The following AMN variants were observed in gnomAD, a reference collection of about 807,000 sequenced individuals.
The protein encoded by AMN is amnion associated transmembrane protein.
AMN carries 40 observed loss-of-function variants against 49.1 expected under a neutral mutation model. That is an observed-to-expected ratio of 0.81 (90% CI 0.63 to 1.06). The LOEUF (loss-of-function observed/expected upper bound fraction) is 1.06, where lower values mean the gene tolerates loss of function less well. AMN is among the 50% of genes least tolerant of loss of function. AMN has a pLI of 0.00. For missense variants in AMN, 701 were observed against 662.8 expected (o/e 1.06, Z -0.63); for synonymous variants, 380 against 313.3 (o/e 1.21, Z -2.25).
chr14:102,929,353 T>C, intron 6 of AMN, 75 bp from the exon 7 acceptor site: 2 of 1,506,282 alleles, frequency 1.3e-6, no homozygotes, highest in Non-Finnish European at 1.8e-6. Context: ...CTCGCCGGCT[T>C]GCTTCTCGGA....
chr14:102,929,216 G>A lies in AMN; in HGVS notation c.609G>A (p.Glu203=). 6.4e-7 allele frequency: 1 copy of A among 1,569,746 alleles called. No homozygotes were observed. Among genetic ancestry groups the A allele is most frequent in the Non-Finnish European group, 8.6e-7 (1 of 1,165,682 alleles). Residue 203 remains glutamate (E), a synonymous_variant, in exon 6 of 12, where the codon GAG becomes GAA. Transcript: ENST00000299155. ...HGPGALSVGP[E]DCADPSGCVC... ...CGGGCGCGCTGAGCGTGGGCCCCGA[G>A]GACTGCGCGGACCCGTCGGGCTGCG... is the stretch of plus-strand genomic sequence containing the variant.
Position 102,929,466 on chromosome 14 carries a change from G to A in AMN, c.690G>A (p.Leu230=). 3 of 1,531,410 alleles carry A rather than the reference G, an allele frequency of 2.0e-6. No individual in the cohort carries two copies. The highest frequency in any genetic ancestry group is 2.6e-6 in the Non-Finnish European group (3 of 1,145,170). The allele number at this position is 1,531,410 out of a possible 1,614,324, so 94.9% of individuals were successfully genotyped here. A position where few individuals can be genotyped will look rare whatever the true frequency, so the allele number is the denominator to read the frequency against. ...TCTGCGCGGCCCTGCTCCAGCCCCT[G>A]GGCGGCCGCTGCCCCCAGGCCGCCT... The part of the protein sequence containing the change: ...PWICAALLQP[L]GGRCPQAACH... The change falls in exon 7 of 12, where the codon CTG becomes CTA. Residue 230 remains leucine, a synonymous_variant. Coordinates refer to ENST00000299155, the MANE Select transcript of AMN (RefSeq NM_030943.4).
Position 102,930,507 on chromosome 14 carries a change from AGG to A in AMN, c.1257+19_1257+20del. Reference sequence around the variant, plus strand: ...TCCGAGGAGCTGGTGAGGGGGCTGGAGGGGGGACCGGGGCCTCCTCGGGGCCG... The same window carrying A: ...TCCGAGGAGCTGGTGAGGGGGCTGGAGGGGACCGGGGCCTCCTCGGGGCCG... On this transcript the variant is annotated intron_variant, in intron 11 of 11. Coordinates refer to ENST00000299155, the MANE Select transcript of AMN (RefSeq NM_030943.4). 6.5e-6 allele frequency: 10 copies of A among 1,536,122 alleles called. No homozygotes were observed. Among genetic ancestry groups the A allele is most frequent in the Non-Finnish European group, 8.8e-6 (10 of 1,142,804 alleles).
chr14:102,926,033 TC>T (rs1172641608), intron 3 of AMN, among the ~76,000 whole-genome samples: 1 of 152,184 alleles, frequency 6.6e-6, no homozygotes, highest in Non-Finnish European at 1.5e-5. Context: ...TTGCCTGCTT[TC>T]TTGTTGGGGG....
At position 102,929,698 on chromosome 14, in the gene AMN, G is replaced by A. The variant is rs756429503; in HGVS notation, c.804G>A (p.Glu268=). Residue 268 remains glutamate, a synonymous_variant, in exon 8 of 12, where the codon GAG becomes GAA. Transcript: ENST00000299155. ...CCCACGGCCCCGCATTTGACCTGGAGCGGTACCGGGCGCGGATACTGGACA... is the reference window on the plus strand; with the variant it reads ...CCCACGGCCCCGCATTTGACCTGGAACGGTACCGGGCGCGGATACTGGACA... ...LLTHGPAFDL[E]RYRARILDTF... 1 of 1,551,054 alleles carries A rather than the reference G, an allele frequency of 6.4e-7. No individual in the cohort carries two copies. The highest frequency in any genetic ancestry group is 1.2e-5 in the South Asian group (1 of 84,122).
At position 102,930,086 on chromosome 14, in the gene AMN, G is replaced by T. The variant is rs1339571276; in HGVS notation, c.1006G>T (p.Gly336Cys). The T allele has an allele frequency of 1.3e-6, 2 of 1,537,528 alleles. No individual in the cohort carries two copies. Among genetic ancestry groups the T allele is most frequent in the Non-Finnish European group, 1.7e-6 (2 of 1,144,186 alleles). ...CCTCCTGGCGGACGTCGCCGAGAACGGTAACCGCGCCCGCCCCATCCCGCC... is the reference window on the plus strand; with the variant it reads ...CCTCCTGGCGGACGTCGCCGAGAACTGTAACCGCGCCCGCCCCATCCCGCC... ...RALLADVAEN[G>C]EALGVLEATM... The change falls in exon 9 of 12, where the codon GGC becomes TGC. Residue 336 changes from glycine to cysteine, a missense_variant and splice_region_variant. Gly to Cys is a radical substitution (Grantham distance 159). Coordinates refer to ENST00000299155, the MANE Select transcript of AMN (RefSeq NM_030943.4).
Position 102,928,511 on chromosome 14 carries a change from C to A in AMN, c.293C>A (p.Ala98Glu). 6.2e-7 allele frequency: 1 copy of A among 1,605,326 alleles called. No individual in the cohort carries two copies. Among genetic ancestry groups the A allele is most frequent in the East Asian group, 2.2e-5 (1 of 44,676 alleles). ...SDVGSHLDCG[A>E]GEPAVFRDSD... ...GTGGGCTCGCACCTGGACTGTGGCG[C>A]GGGTGAGGCGGTCGGGCAGGGGCGG... Residue 98 changes from alanine to glutamate, a missense_variant and splice_region_variant, in exon 4 of 12, where the codon GCG becomes GAG. By Grantham distance (107) the Ala-to-Glu change is moderately radical. Transcript: ENST00000299155.
intron 7 of AMN, 26 bp downstream of exon 7, chr14:102,929,562 T>G (rs1487536350): frequency 1.4e-5 from 22 of 1,543,228 alleles, no homozygotes; most frequent in Non-Finnish European, 1.4e-5. Flanking sequence ...GGGCCCTGCT[T>G]GCTGGGAAGG....
At position 102,930,427 on chromosome 14, in the gene AMN, G is replaced by A. The variant is rs899163860; in HGVS notation, c.1191G>A (p.Ala397=). 8 of 1,520,584 alleles carry A rather than the reference G, an allele frequency of 5.3e-6. No individual in the cohort carries two copies. Among genetic ancestry groups the A allele is most frequent in the Non-Finnish European group, 7.0e-6 (8 of 1,139,906 alleles). The allele number at this position is 1,520,584 out of a possible 1,614,324, so 94.2% of individuals were successfully genotyped here. ...GRLRWRRHEA[A]APAGAPLGFR... ...TCAGGTGGAGGAGGCACGAGGCGGC[G>A]GCCCCGGCTGGAGCGCCCCTCGGCT... Residue 397 remains alanine, a synonymous_variant, in exon 11 of 12, where the codon GCG becomes GCA. Coordinates refer to ENST00000299155, the MANE Select transcript of AMN (RefSeq NM_030943.4).
chr14:102,930,062 C>G lies in AMN; in HGVS notation c.982C>G (p.Leu328Val). Residue 328 changes from leucine (L) to valine (V), a missense_variant, in exon 9 of 12, where the codon CTC becomes GTC. By Grantham distance (32) the Leu-to-Val change is conservative. Transcript: ENST00000299155. Reference sequence around the variant, plus strand: ...CGGAGCGGGGCGGCTGGCCCGGGCCCTCCTGGCGGACGTCGCCGAGAACGG... The same window carrying G: ...CGGAGCGGGGCGGCTGGCCCGGGCCGTCCTGGCGGACGTCGCCGAGAACGG... ...TGGAGRLARALLADVAENGEA... is the reference protein window; with the variant it reads ...TGGAGRLARAVLADVAENGEA... 6.5e-7 allele frequency: 1 copy of G among 1,544,570 alleles called. No homozygotes were observed. Among genetic ancestry groups the G allele is most frequent in the East Asian group, 2.5e-5 (1 of 40,666 alleles).
chr14:102,923,073 G>A, intron 1 of AMN: 1 of 315,244 alleles, frequency 3.2e-6, no homozygotes, highest in Non-Finnish European at 6.0e-6. Flanking sequence ...GCGCCTGCGG[G>A]GCTCGGCAGA....
intron 3 of AMN, 105 bp from the exon 4 acceptor site, chr14:102,928,321 C>A (rs150790705): frequency 9.4e-7 from 1 of 1,067,390 alleles, no homozygotes; most frequent in Non-Finnish European, 1.4e-6. Flanking sequence ...GGGCTCCTTC[C>A]GTGCACAGGG....
intron 3 of AMN, among the ~76,000 whole-genome samples, chr14:102,927,306 C>G (rs544943674): frequency 6.6e-6 from 1 of 152,314 alleles, no homozygotes; most frequent in Non-Finnish European, 1.5e-5. Context: ...CCAGGCTGAT[C>G]TCAAACTCCT....
intron 3 of AMN, among the ~76,000 whole-genome samples, chr14:102,927,792 C>T (rs1260867190): frequency 6.6e-6 from 1 of 152,176 alleles, no homozygotes; most frequent in Admixed American, 6.5e-5. Context: ...GCCAGTCAGA[C>T]CCCCCGTATT....
intron 3 of AMN, among the ~76,000 whole-genome samples, chr14:102,927,691 G>A (rs1891218103): frequency 6.6e-6 from 1 of 152,178 alleles, no homozygotes; most frequent in African/African-American, 2.4e-5. Context: ...CTGGCCCAGC[G>A]CTCACCCTCA....
rs1387409989 is a variant in AMN, at chr14:102,923,959, G to A, written c.187G>A (p.Gly63Ser). ...GATGGTGTCAGTCCTGGTGCAAGAA[G>A]GTCACGCCGTCTCAGACATGGTAAG... Reference protein sequence around the residue: ...DKMVSVLVQEGHAVSDMLLPL... With the variant: ...DKMVSVLVQESHAVSDMLLPL... Residue 63 changes from glycine to serine, a missense_variant, in exon 3 of 12, where the codon GGT (glycine) becomes AGT (serine). Gly to Ser is a moderately conservative substitution (Grantham distance 56). Transcript: ENST00000299155. 13 of 1,613,290 alleles carry A rather than the reference G, an allele frequency of 8.1e-6. No homozygotes were observed. Among genetic ancestry groups the A allele is most frequent in the Admixed American group, 5.0e-5 (3 of 60,032 alleles).
intron 10 of AMN, 23 bp from the exon 11 acceptor site, chr14:102,930,383 C>T: frequency 6.7e-7 from 1 of 1,501,338 alleles, no homozygotes; most frequent in Non-Finnish European, 8.8e-7. Flanking sequence ...GGGGCTCACG[C>T]TGCGTCCCCG....
chr14:102,925,379 A>G (rs957892306), intron 3 of AMN, among the ~76,000 whole-genome samples: 1 of 152,206 alleles, frequency 6.6e-6, no homozygotes, highest in Admixed American at 6.5e-5. Flanking sequence ...AGGTTTTCCA[A>G]AGCTGCCTTA....
In AMN at chr14:102,928,341, C is replaced by T. The variant is rs1555381164; in HGVS notation, c.208-85C>T. 23 of 1,303,532 alleles carry T rather than the reference C, an allele frequency of 1.8e-5. No individual in the cohort carries two copies. The South Asian group carries it at 2.4e-4, about 14-fold the overall frequency. 80.7% of individuals were successfully genotyped at this position (1,303,532 alleles called of 1,614,324 possible). On this transcript the variant is annotated intron_variant, in intron 3 of 11. Transcript: ENST00000299155. Reference sequence around the variant, plus strand: ...CCTTCCGTGCACAGGGTCTCGGCTTCTCGTCCCAGGGGACTGGGGGCGGGG... The same window carrying T: ...CCTTCCGTGCACAGGGTCTCGGCTTTTCGTCCCAGGGGACTGGGGGCGGGG...
Sources: gnomAD v4.1 joint callset for allele counts (sites outside exome capture counted in the v4.1 genomes callset) on GRCh38, gnomAD v4.1.1 for gene constraint, MANE v1.5 for transcripts, NCBI Gene and HGNC (gene_info 2026-07-23, HGNC 2026-07-21) for gene names.